SIPA1L1: variants seen among roughly 807,000 people sequenced by gnomAD.
SIPA1L1 encodes the protein signal induced proliferation associated 1 like 1, also known as signal-induced proliferation-associated 1-like protein 1.
SIPA1L1 carries 26 observed loss-of-function variants against 162.7 expected under a neutral mutation model. The ratio of observed to expected loss-of-function variants is 0.16; its 90% confidence interval spans 0.12 to 0.22. The LOEUF (loss-of-function observed/expected upper bound fraction) is 0.22. Among genes scored for constraint, SIPA1L1 ranks in the 10% least tolerant of loss-of-function variants. The pLI is 1.00. For missense variants in SIPA1L1, 1,874 were observed against 2,241.0 expected (o/e 0.84, Z 3.31); for synonymous variants, 829 against 837.4 (o/e 0.99, Z 0.17).
At chr14:71,545,756 T>A (rs1475423083) in intron 4 of SIPA1L1, among the ~76,000 whole-genome samples, 1 of 152,166 alleles carries the variant, frequency 6.6e-6, no homozygotes, top group East Asian at 1.9e-4. Context: ...AAAATGGACA[T>A]CTTGCATTAT....
intron 8 of SIPA1L1, among the ~76,000 whole-genome samples, chr14:71,656,830 G>A (rs1326053706): frequency 6.6e-6 from 1 of 152,160 alleles, no homozygotes; most frequent in African/African-American, 2.4e-5. Flanking sequence ...TACTGCATTA[G>A]AGCTACCTGG....
chr14:71,543,995 A>C (rs2054797190), intron 4 of SIPA1L1, among the ~76,000 whole-genome samples: 1 of 141,814 alleles, frequency 7.1e-6, no homozygotes, highest in African/African-American at 3.1e-5. Flanking sequence ...GTATATATAC[A>C]CACACGCACA....
At chr14:71,562,624 C>A (rs994961552) in intron 4 of SIPA1L1, among the ~76,000 whole-genome samples, 10 of 152,130 alleles carry the variant, frequency 6.6e-5, no homozygotes, top group African/African-American at 2.4e-4. Context: ...GTTGGATAAC[C>A]TGCTGGTTTT....
chr14:71,694,896 G>GT lies in SIPA1L1; in HGVS notation c.3375-4084dup, dbSNP rs1435583775. Among the ~76,000 whole-genome samples, 8 of 152,352 alleles carry GT rather than the reference G, an allele frequency of 5.3e-5. No homozygotes were observed. The East Asian group carries it at 1.5e-3, about 29-fold the overall frequency. The stretch of plus-strand genomic sequence containing the variant: ...GCAGCTCTTAAAACAGAGTACGCTT[G>GT]TAAGGTGGGGTGGGATGGACAGAGA... On this transcript the variant is annotated intron_variant, in intron 13 of 23. Transcript: ENST00000381232.
At chr14:71,530,054 C>CA (rs2145297265) in intron 4 of SIPA1L1, among the ~76,000 whole-genome samples, 1 of 152,322 alleles carries the variant, frequency 6.6e-6, no homozygotes, top group East Asian at 1.9e-4. Context: ...CTCTGACGTC[C>CA]AAGCATTTGA....
At chr14:71,323,396 A>G (rs1030802068) in intron 2 of SIPA1L1, among the ~76,000 whole-genome samples, 1 of 152,170 alleles carries the variant, frequency 6.6e-6, no homozygotes, top group Non-Finnish European at 1.5e-5. Flanking sequence ...GTGGAATTTG[A>G]TGGAAAGTTT....
intron 2 of SIPA1L1, among the ~76,000 whole-genome samples, chr14:71,491,865 C>T (rs2049312760): frequency 6.8e-6 from 1 of 146,070 alleles, no homozygotes; most frequent in Non-Finnish European, 1.5e-5. Context: ...GCTACATTTT[C>T]AGTAAATTGT....
At chr14:71,400,298 C>G (rs1306147638) in intron 2 of SIPA1L1, among the ~76,000 whole-genome samples, 1 of 152,046 alleles carries the variant, frequency 6.6e-6, no homozygotes, top group African/African-American at 2.4e-5. Context: ...TGGAATTGTG[C>G]CATTTCAAGA....
At position 71,577,122 on chromosome 14, in the gene SIPA1L1, C is replaced by T. The variant is rs111733474; in HGVS notation, c.-302-10449C>T. Reference sequence around the variant, plus strand: ...AAATAATGGCATGGCAGTTGAGGAGCCACTGAAGGTTCTCAAAGTGACATG... The same window carrying T: ...AAATAATGGCATGGCAGTTGAGGAGTCACTGAAGGTTCTCAAAGTGACATG... On this transcript the variant is annotated intron_variant, in intron 4 of 23. Transcript: ENST00000381232. 4.4e-4 allele frequency among the ~76,000 whole-genome samples: 66 copies of T among 150,028 alleles called. 2 individuals are homozygous for T. Among genetic ancestry groups the T allele is most frequent in the African/African-American group, 1.5e-3 (61 of 40,764 alleles).
At chr14:71,359,123 G>C (rs933230066) in intron 2 of SIPA1L1, among the ~76,000 whole-genome samples, 1 of 152,164 alleles carries the variant, frequency 6.6e-6, no homozygotes, top group African/African-American at 2.4e-5. Flanking sequence ...CACATATTGT[G>C]GGAGGGACCC....
chr14:71,621,839 T>C (rs1382129962), intron 6 of SIPA1L1, among the ~76,000 whole-genome samples: 1 of 152,116 alleles, frequency 6.6e-6, no homozygotes, highest in Non-Finnish European at 1.5e-5. Flanking sequence ...TTTCCTCTCT[T>C]CCTTTCTTCC....
intron 4 of SIPA1L1, among the ~76,000 whole-genome samples, chr14:71,546,393 TG>T (rs1440702502): frequency 6.7e-6 from 1 of 148,330 alleles, no homozygotes. Context: ...TTTTTTTTTT[TG>T]AGATGGAGTC....
At chr14:71,448,197 T>C (rs974973721) in intron 2 of SIPA1L1, among the ~76,000 whole-genome samples, 18 of 152,230 alleles carry the variant, frequency 1.2e-4, no homozygotes, top group African/African-American at 4.3e-4. Flanking sequence ...TCCTTTATTT[T>C]GCACTTTTTT....
intron 3 of SIPA1L1, among the ~76,000 whole-genome samples, chr14:71,525,777 A>G (rs1034959422): frequency 6.6e-6 from 1 of 152,212 alleles, no homozygotes; most frequent in African/African-American, 2.4e-5. Context: ...TTTAATGTCC[A>G]AAAGGCAAGT....
chr14:71,525,974 A>G (rs2052831238), intron 3 of SIPA1L1, among the ~76,000 whole-genome samples: 2 of 152,158 alleles, frequency 1.3e-5, no homozygotes, highest in South Asian at 4.1e-4. Context: ...CTATCTAATC[A>G]TAGCTCGTTC....
chr14:71,530,021 A>T (rs1595923393), intron 4 of SIPA1L1, among the ~76,000 whole-genome samples: 1 of 152,168 alleles, frequency 6.6e-6, no homozygotes, highest in Admixed American at 6.5e-5. Flanking sequence ...TCACAAGGAA[A>T]CCAGCCCTGA....
intron 4 of SIPA1L1, 127 bp from the exon 5 acceptor site, chr14:71,587,444 G>A (rs984488613): frequency 1.8e-5 from 7 of 393,740 alleles, no homozygotes; most frequent in Non-Finnish European, 2.2e-5. Flanking sequence ...CTAAAAATAC[G>A]GATTGTGGAA....
chr14:71,393,123 A>G (rs955970548), intron 2 of SIPA1L1, among the ~76,000 whole-genome samples: 7 of 152,208 alleles, frequency 4.6e-5, no homozygotes, highest in African/African-American at 7.2e-5. Flanking sequence ...CCCTTATTAA[A>G]TATTCCAATA....
At chr14:71,533,661 AG>A (rs1247438060) in intron 4 of SIPA1L1, among the ~76,000 whole-genome samples, 1 of 152,226 alleles carries the variant, frequency 6.6e-6, no homozygotes. Context: ...CTTGTGATTC[AG>A]GTTGTCTTTG....
Sources: gnomAD v4.1 joint callset for allele counts (sites outside exome capture counted in the v4.1 genomes callset) on GRCh38, gnomAD v4.1.1 for gene constraint, MANE v1.5 for transcripts, NCBI Gene and HGNC (gene_info 2026-07-23, HGNC 2026-07-21) for gene names.